MPPED1: variants seen among roughly 807,000 people sequenced by gnomAD.
MPPED1 encodes the protein metallophosphoesterase domain containing 1, also known as metallophosphoesterase domain-containing protein 1.
Under a neutral mutation model 36.2 loss-of-function variants are expected in MPPED1, and 16 were observed. The ratio of observed to expected loss-of-function variants is 0.44; its 90% CI spans 0.30 to 0.67. MPPED1 has a LOEUF of 0.67. Ranked by LOEUF, MPPED1 falls within the 30% of genes least tolerant of loss-of-function variation. The pLI, the probability that MPPED1 is intolerant of heterozygous loss-of-function variation, is 0.10. For missense variants in MPPED1, 307 were observed against 453.4 expected (o/e 0.68, Z 2.93); for synonymous variants, 199 against 191.3 (o/e 1.04, Z -0.33).
At chr22:43,485,995 C>T (rs761711486) in intron 4 of MPPED1, among the ~76,000 whole-genome samples, 23 of 152,330 alleles carry the variant, frequency 1.5e-4, no homozygotes, top group Middle Eastern at 3.4e-3. Flanking sequence ...TCTCCCCCAG[C>T]CTTTGCCTGG....
chr22:43,500,319 GT>G (rs1932672200), intron 5 of MPPED1, among the ~76,000 whole-genome samples: 1 of 140,052 alleles, frequency 7.1e-6, no homozygotes, highest in African/African-American at 2.7e-5. Context: ...GATGGAGGTG[GT>G]GATGGTGGTG....
chr22:43,476,578 C>T (rs1200114548), intron 4 of MPPED1, among the ~76,000 whole-genome samples: 9 of 152,146 alleles, frequency 5.9e-5, no homozygotes, highest in African/African-American at 2.2e-4. Context: ...CACCTAGTGG[C>T]TGGAGGCGGC....
At chr22:43,447,850 ATG>A (rs1198984674) in intron 3 of MPPED1, among the ~76,000 whole-genome samples, 3 of 98,816 alleles carry the variant, frequency 3.0e-5, no homozygotes, top group African/African-American at 1.1e-4. Context: ...TATTTTATAT[ATG>A]TAAATATTAT....
chr22:43,475,465 T>C, intron 4 of MPPED1, among the ~76,000 whole-genome samples: 1 of 148,290 alleles, frequency 6.7e-6, no homozygotes, highest in Non-Finnish European at 1.5e-5. Flanking sequence ...ATAATGATGA[T>C]ATTGGTGATG....
At chr22:43,492,335 G>T (rs1175648343) in intron 4 of MPPED1, among the ~76,000 whole-genome samples, 2 of 152,108 alleles carry the variant, frequency 1.3e-5, no homozygotes, top group African/African-American at 4.8e-5. Context: ...GTAAAATCAT[G>T]TGTGTGCATG....
At chr22:43,434,594 G>A (rs538961926) in intron 2 of MPPED1, among the ~76,000 whole-genome samples, 2 of 152,346 alleles carry the variant, frequency 1.3e-5, no homozygotes, top group South Asian at 2.1e-4. Flanking sequence ...GTACGGCACC[G>A]CTGTGATGCC....
chr22:43,432,220 G>GAGAGAGAGAGAGACAA (rs71186588), intron 2 of MPPED1, among the ~76,000 whole-genome samples: 18 of 150,896 alleles, frequency 1.2e-4, no homozygotes, highest in African/African-American at 4.2e-4. Context: ...GAGAGAGAGA[G>GAGAGAGAGAGAGACAA]ACACAGAGAG....
chr22:43,416,574 C>T (rs1297549419), intron 1 of MPPED1: 1 of 152,152 alleles, frequency 6.6e-6, no homozygotes, highest in Non-Finnish European at 1.5e-5. Flanking sequence ...GAAGGGGACA[C>T]GATGCTGAGT....
intron 4 of MPPED1, among the ~76,000 whole-genome samples, chr22:43,476,648 G>A (rs929757950): frequency 2.6e-5 from 4 of 152,082 alleles, no homozygotes; most frequent in Non-Finnish European, 4.4e-5. Context: ...AGAGGGGAAG[G>A]TGGGGAGGTG....
chr22:43,456,250 A>C (rs561308272), intron 3 of MPPED1, among the ~76,000 whole-genome samples: 33 of 152,342 alleles, frequency 2.2e-4, no homozygotes, highest in African/African-American at 7.5e-4. Flanking sequence ...TTAGTCCTTC[A>C]CTATTAAGTA....
Position 43,472,568 on chromosome 22 carries a change from G to A in MPPED1, c.407-2168G>A, listed in dbSNP as rs189385021. ...GGCCCCCATGTACCAGTGGTCCCCC[G>A]CCCCAGAGTTGATAAATCCCGAAGA... On this transcript the variant is annotated intron_variant, in intron 3 of 6. Coordinates refer to ENST00000443721, the MANE Select transcript of MPPED1 (RefSeq NM_001044370.2). Among the ~76,000 whole-genome samples, 13 of 152,302 alleles carry A rather than the reference G, an allele frequency of 8.5e-5. No individual in the cohort carries two copies. In the East Asian group the frequency reaches 1.9e-3, roughly 23 times the overall value.
At chr22:43,428,533 A>G (rs1297612877) in intron 2 of MPPED1, among the ~76,000 whole-genome samples, 1 of 151,966 alleles carries the variant, frequency 6.6e-6, no homozygotes, top group African/African-American at 2.4e-5. Flanking sequence ...CCCTCCCAGG[A>G]GCGGTGGGGG....
chr22:43,474,400 C>T lies in MPPED1; in HGVS notation c.407-336C>T, dbSNP rs1355491275. 2.0e-5 allele frequency among the ~76,000 whole-genome samples: 3 copies of T among 152,214 alleles called. No homozygotes were observed. Among genetic ancestry groups the T allele is most frequent in the Admixed American group, 1.3e-4 (2 of 15,290 alleles). ...CAGGACTGTGGGGACAGTGATCAGG[C>T]TGCTGCCTCCTTTGATCTGATGAAG... On this transcript the variant is annotated intron_variant, in intron 3 of 6. Transcript: ENST00000443721. This position sits in a 1 kb window ranked among gnomAD's most constrained non-coding sequence, Gnocchi z 5.2.
chr22:43,412,150 C>T lies in MPPED1; in HGVS notation c.-87C>T. ...CCGCCGCGGCCGCCGAAGAGGAGCC[C>T]GGGGCCAGGTAGGACCGGAGGCGGG... is the stretch of plus-strand genomic sequence containing the variant. On this transcript the variant is annotated 5_prime_UTR_variant, in exon 1 of 7. Coordinates refer to ENST00000443721, the MANE Select transcript of MPPED1 (RefSeq NM_001044370.2). 1.0e-6 allele frequency: 1 copy of T among 979,068 alleles called. No homozygotes were observed. Among genetic ancestry groups the T allele is most frequent in the Non-Finnish European group, 1.2e-6 (1 of 827,410 alleles). 60.6% of individuals were successfully genotyped at this position (979,068 alleles called of 1,614,324 possible). A position where few individuals can be genotyped will look rare whatever the true frequency, so the allele number is the denominator to read the frequency against.
chr22:43,456,081 T>C (rs1325079610), intron 3 of MPPED1, among the ~76,000 whole-genome samples: 3 of 152,256 alleles, frequency 2.0e-5, no homozygotes, highest in African/African-American at 7.2e-5. Context: ...ATCATGTTTC[T>C]CTGTGAATAG....
rs530867422 is a variant in MPPED1, at chr22:43,467,836, G to A, written c.407-6900G>A. Among the ~76,000 whole-genome samples the A allele has an allele frequency of 3.3e-5, 5 of 152,316 alleles. 1 individual carries two copies. The highest frequency in any genetic ancestry group is 3.4e-3 in the Middle Eastern group (1 of 294). On this transcript the variant is annotated intron_variant, in intron 3 of 6. Transcript: ENST00000443721. ...TCCACCGGGCTCAATACTTTGCTCC[G>A]GGAATGGCATCGATGGTGGAGAAGC...
At chr22:43,488,133 G>A (rs1046125854) in intron 4 of MPPED1, among the ~76,000 whole-genome samples, 11 of 152,132 alleles carry the variant, frequency 7.2e-5, no homozygotes, top group Non-Finnish European at 1.2e-4. Context: ...TGGAGAGGCC[G>A]TGGGCACTGC....
Position 43,435,155 on chromosome 22 carries a change from G to C in MPPED1, c.346G>C (p.Ala116Pro). 6.2e-7 allele frequency: 1 copy of C among 1,613,344 alleles called. No homozygotes were observed. The highest frequency in any genetic ancestry group is 8.5e-7 in the Non-Finnish European group (1 of 1,179,890). ...GCCGTACGGCGACGTGCTGATCCAC[G>C]CTGGGGACTTCACTGAGCTGGGGCT... is the stretch of plus-strand genomic sequence containing the variant. ...QMPYGDVLIH[A>P]GDFTELGLPS... is the part of the protein sequence containing the mutation. The change falls in exon 3 of 7, where the codon GCT (alanine) becomes CCT (proline). Residue 116 changes from alanine to proline, a missense_variant. By Grantham distance (27) the Ala-to-Pro change is conservative. Transcript: ENST00000443721.
chr22:43,453,103 C>T (rs555435445), intron 3 of MPPED1, among the ~76,000 whole-genome samples: 1 of 152,114 alleles, frequency 6.6e-6, no homozygotes, highest in South Asian at 2.1e-4. Flanking sequence ...GCACCCGCTA[C>T]CACGCCCGGC....
Sources: gnomAD v4.1 joint callset for allele counts (sites outside exome capture counted in the v4.1 genomes callset) on GRCh38, gnomAD v4.1.1 for gene constraint, Gnocchi (gnomAD v3.1) non-coding constraint, MANE v1.5 for transcripts, NCBI Gene and HGNC (gene_info 2026-07-23, HGNC 2026-07-21) for gene names.